PIK3CD: variants seen among roughly 807,000 people sequenced by gnomAD.
The protein encoded by PIK3CD is phosphatidylinositol 4,5-bisphosphate 3-kinase catalytic subunit delta isoform.
Under a neutral mutation model 122.9 loss-of-function variants are expected in PIK3CD, and 20 were observed. The ratio of observed to expected loss-of-function variants is 0.16; its 90% CI spans 0.11 to 0.24. The LOEUF (loss-of-function observed/expected upper bound fraction) is 0.24. Among genes scored for constraint, PIK3CD ranks in the 10% least tolerant of loss-of-function variants. The pLI is 1.00. For synonymous variants in PIK3CD, 596 were observed against 593.4 expected (o/e 1.00, Z -0.06); for missense variants, 787 against 1,406.3 (o/e 0.56, Z 7.04).
intron 2 of PIK3CD, among the ~76,000 whole-genome samples, chr1:9,702,741 G>A (rs547745396): frequency 1.5e-4 from 23 of 151,462 alleles, no homozygotes; most frequent in African/African-American, 4.8e-4. Flanking sequence ...GGCTGGTTTC[G>A]AACTCCTGAC....
chr1:9,701,036 C>T (rs1161998613), intron 2 of PIK3CD, among the ~76,000 whole-genome samples: 1 of 152,174 alleles, frequency 6.6e-6, no homozygotes, highest in Non-Finnish European at 1.5e-5. Flanking sequence ...AGTCCTTCCA[C>T]ACCGCAGCCA....
At chr1:9,712,265 G>T (rs554423118) in intron 3 of PIK3CD, among the ~76,000 whole-genome samples, 15 of 151,678 alleles carry the variant, frequency 9.9e-5, no homozygotes, top group Non-Finnish European at 2.1e-4. Context: ...CCTTATCCCA[G>T]AATTTTATTT....
chr1:9,647,778 C>G (rs1644622102), upstream of PIK3CD, among the ~76,000 whole-genome samples: 1 of 152,070 alleles, frequency 6.6e-6, no homozygotes, highest in Non-Finnish European at 1.5e-5. Flanking sequence ...GTGAGTCATC[C>G]TGGCCTACTA....
rs1461032307 is a variant in PIK3CD, at chr1:9,700,195, A to G, written c.-33+8624A>G. Among the ~76,000 whole-genome samples the G allele has an allele frequency of 6.6e-6, 1 of 150,856 alleles. No individual in the cohort carries two copies. Among genetic ancestry groups the G allele is most frequent in the African/African-American group, 2.4e-5 (1 of 40,960 alleles). ...GCCCAGGCTGGAATGCAGTGGTGTGATCTCGGCTCATTGCAGCCTCCCCCT... is the reference window on the plus strand; with the variant it reads ...GCCCAGGCTGGAATGCAGTGGTGTGGTCTCGGCTCATTGCAGCCTCCCCCT... On this transcript the variant is annotated intron_variant, in intron 2 of 23. Transcript: ENST00000377346. This position sits in a 1 kb window ranked among gnomAD's most constrained non-coding sequence, Gnocchi z 5.1.
intron 1 of PIK3CD, among the ~76,000 whole-genome samples, chr1:9,678,640 C>A (rs895167142): frequency 6.6e-6 from 1 of 152,188 alleles, no homozygotes; most frequent in Non-Finnish European, 1.5e-5. Context: ...TTAGGTCCAA[C>A]CTCTAGCTTC....
At chr1:9,639,222 CCTT>C in the PIK3CD span, among the ~76,000 whole-genome samples, 1 of 152,012 alleles carries the variant, frequency 6.6e-6, no homozygotes, top group African/African-American at 2.4e-5. Flanking sequence ...CATCTCTATT[CCTT>C]CTCATAGAGG....
At chr1:9,643,343 G>A in the PIK3CD span, among the ~76,000 whole-genome samples, 6 of 151,246 alleles carry the variant, frequency 4.0e-5, no homozygotes, top group Admixed American at 4.0e-4. Flanking sequence ...GGGAGATGGA[G>A]GTTGCAGTAA....
the PIK3CD span, among the ~76,000 whole-genome samples, chr1:9,633,337 C>T: frequency 1.1e-3 from 171 of 151,430 alleles, no homozygotes; most frequent in African/African-American, 3.7e-3. Context: ...TAATCAATGT[C>T]GCTCTTGTCG....
At chr1:9,660,172 A>G (rs992631814) in intron 1 of PIK3CD, among the ~76,000 whole-genome samples, 6 of 152,222 alleles carry the variant, frequency 3.9e-5, no homozygotes, top group African/African-American at 9.6e-5. Flanking sequence ...TCGGCCTCCC[A>G]AAGTGCTGGG....
Position 9,718,906 on chromosome 1 carries a change from C to T in PIK3CD, c.1233C>T (p.Ser411=), listed in dbSNP as rs1446749869. The T allele has an allele frequency of 1.2e-6, 2 of 1,612,520 alleles. No individual in the cohort carries two copies. Among genetic ancestry groups the T allele is most frequent in the South Asian group, 2.2e-5 (2 of 91,080 alleles). ...AKKARSTKKK[S]KKADCPIAWA... is the part of the protein sequence containing the mutation. ...AGGCTCGCTCCACCAAGAAGAAGTC[C>T]AAGAAGGCGGTGGGTCCCAGGGCCG... Residue 411 remains serine, a synonymous_variant, in exon 9 of 24, where the codon TCC becomes TCT. Coordinates refer to ENST00000377346, the MANE Select transcript of PIK3CD (RefSeq NM_005026.5). This position sits in a 1 kb window ranked among gnomAD's most constrained non-coding sequence, Gnocchi z 7.2.
upstream of PIK3CD, among the ~76,000 whole-genome samples, chr1:9,647,481 A>AATTATTATTATTATTATTATT (rs61118085): frequency 5.7e-5 from 8 of 139,450 alleles, no homozygotes; most frequent in Admixed American, 7.3e-5. Flanking sequence ...TCATGATTCT[A>AATTATTATTATTATTATTATT]ATTATTATTA....
intron 1 of PIK3CD, among the ~76,000 whole-genome samples, chr1:9,677,020 A>G (rs1203442926): frequency 1.3e-5 from 2 of 152,148 alleles, no homozygotes; most frequent in South Asian, 2.1e-4. Flanking sequence ...AGAGCCCTCT[A>G]TGTCATCCCC....
chr1:9,644,386 C>T, the PIK3CD span, among the ~76,000 whole-genome samples: 4 of 151,692 alleles, frequency 2.6e-5, no homozygotes, highest in East Asian at 1.9e-4. Context: ...TGGTGGTGGG[C>T]GCCTGTAGGT....
At chr1:9,650,090 A>G (rs546920557), upstream of PIK3CD, among the ~76,000 whole-genome samples, 9 of 152,176 alleles carry the variant, frequency 5.9e-5, no homozygotes, top group South Asian at 1.7e-3. Context: ...TAAAGCTCAT[A>G]TAACATCCTA....
upstream of PIK3CD, among the ~76,000 whole-genome samples, chr1:9,649,228 C>T (rs900929097): frequency 2.6e-5 from 4 of 151,988 alleles, no homozygotes; most frequent in Admixed American, 2.0e-4. Context: ...GCCTCTCTCT[C>T]GCTCTTTTTC....
At chr1:9,632,492 CCT>C in the PIK3CD span, among the ~76,000 whole-genome samples, 1 of 152,130 alleles carries the variant, frequency 6.6e-6, no homozygotes, top group Non-Finnish European at 1.5e-5. Context: ...GCCCAGCTGC[CCT>C]CTGTTTCTGC....
chr1:9,720,343 G>C lies in PIK3CD; in HGVS notation c.1470+101G>C. 1.4e-6 allele frequency: 2 copies of C among 1,454,160 alleles called. No individual in the cohort carries two copies. Among genetic ancestry groups the C allele is most frequent in the Non-Finnish European group, 1.8e-6 (2 of 1,083,046 alleles). The allele number at this position is 1,454,160 out of a possible 1,614,324, so 90.1% of individuals were successfully genotyped here. The stretch of plus-strand genomic sequence containing the variant: ...GAGGGTGCTCCCTGGCCACGTCGGG[G>C]CTGGGCTACCAGGCATATCTGGGGC... On this transcript the variant is annotated intron_variant, in intron 11 of 23. Coordinates refer to ENST00000377346, the MANE Select transcript of PIK3CD (RefSeq NM_005026.5). The surrounding 1 kb of genome is among the most constrained non-coding windows in gnomAD (Gnocchi z 9.0).
chr1:9,707,539 G>A (rs1032419275), intron 2 of PIK3CD, among the ~76,000 whole-genome samples: 33 of 151,894 alleles, frequency 2.2e-4, no homozygotes, highest in African/African-American at 6.5e-4. Flanking sequence ...TCAGGCCCCC[G>A]TGTGTGCTGT....
At position 9,705,744 on chromosome 1, in the gene PIK3CD, A is replaced by G. The variant is rs367994039; in HGVS notation, c.-32-4680A>G. Among the ~76,000 whole-genome samples, 5 of 152,128 alleles carry G rather than the reference A, an allele frequency of 3.3e-5. No homozygotes were observed. In the South Asian group the frequency reaches 1.0e-3, roughly 31 times the overall value. ...GAAAATAAAGGTTTTATGGAAAATC[A>G]GGGAAATGCAAATTAAAACGAGATA... is the stretch of plus-strand genomic sequence containing the variant. On this transcript the variant is annotated intron_variant, in intron 2 of 23. Coordinates refer to ENST00000377346, the MANE Select transcript of PIK3CD (RefSeq NM_005026.5).
Sources: gnomAD v4.1 joint callset for allele counts (sites outside exome capture counted in the v4.1 genomes callset) on GRCh38, gnomAD v4.1.1 for gene constraint, Gnocchi (gnomAD v3.1) non-coding constraint, MANE v1.5 for transcripts, NCBI Gene and HGNC (gene_info 2026-07-23, HGNC 2026-07-21) for gene names.